ZC3H12B: variants seen among roughly 807,000 people sequenced by gnomAD.
ZC3H12B encodes the protein zinc finger CCCH-type containing 12B, also known as probable ribonuclease ZC3H12B.
In ZC3H12B, 7 loss-of-function variants were observed where a neutral mutation model predicts 43.9. The observed-to-expected ratio is 0.16, with a 90% confidence interval of 0.09 to 0.30. ZC3H12B has a LOEUF of 0.30. Among genes scored for constraint, ZC3H12B ranks in the 10% least tolerant of loss-of-function variants. The pLI is 1.00. For missense variants in ZC3H12B, 475 were observed against 670.2 expected, an observed-to-expected ratio of 0.71 and a Z score of 3.22; for synonymous variants, 222 against 241.7, an observed-to-expected ratio of 0.92 and a Z score of 0.76.
At chrX:65,097,137 A>G in the ZC3H12B span, among the ~76,000 whole-genome samples, 4 of 112,079 alleles carry the variant, frequency 3.6e-5, no homozygotes, top group Non-Finnish European at 5.6e-5. Context: ...CCAAGTTGAC[A>G]TGAATTCATT....
intron 3 of ZC3H12B, among the ~76,000 whole-genome samples, chrX:65,477,849 G>A (rs1468313280): frequency 9.1e-6 from 1 of 109,438 alleles, no homozygotes; most frequent in Non-Finnish European, 1.9e-5. Flanking sequence ...GTGTGTGTGT[G>A]TGTGTGTGTA....
intron 3 of ZC3H12B, 132 bp from the exon 9 acceptor site, chrX:65,499,751 T>C: frequency 2.0e-6 from 1 of 505,043 alleles, no homozygotes; most frequent in Non-Finnish European, 3.5e-6. Flanking sequence ...TAGCAGAGGA[T>C]AGACTTGAGG....
At chrX:65,105,078 A>G in the ZC3H12B span, among the ~76,000 whole-genome samples, 1 of 111,734 alleles carries the variant, frequency 8.9e-6, no homozygotes, top group Non-Finnish European at 1.9e-5. Context: ...GCAGCCATAA[A>G]AAGAATGAGT....
At chrX:65,450,800 C>T (rs376269441) in intron 3 of ZC3H12B, among the ~76,000 whole-genome samples, 3 of 56,143 alleles carry the variant, frequency 5.3e-5, no homozygotes, top group African/African-American at 9.8e-5. Context: ...TATATATATA[C>T]ATATGTGTAT....
chrX:65,194,884 C>A, the ZC3H12B span, among the ~76,000 whole-genome samples: 14 of 111,913 alleles, frequency 1.3e-4, no homozygotes, highest in Admixed American at 2.8e-4. Context: ...ATTGTGATAT[C>A]TTCTTCCTCA....
chrX:65,105,457 C>A, the ZC3H12B span, among the ~76,000 whole-genome samples: 9 of 111,053 alleles, frequency 8.1e-5, no homozygotes, highest in Non-Finnish European at 1.5e-4. Context: ...ACATAGGGAG[C>A]AGCTACTACT....
the ZC3H12B span, among the ~76,000 whole-genome samples, chrX:65,355,275 C>A: frequency 2.7e-5 from 3 of 111,283 alleles, no homozygotes; most frequent in Non-Finnish European, 3.8e-5. Context: ...CTGCAGAAAC[C>A]CTACAAGCCA....
chrX:65,167,835 CTATT>C, the ZC3H12B span, among the ~76,000 whole-genome samples: 4 of 111,461 alleles, frequency 3.6e-5, no homozygotes, highest in Admixed American at 9.6e-5. Flanking sequence ...ATTTGGCTCT[CTATT>C]TGTTATTGGT....
intron 2 of ZC3H12B, among the ~76,000 whole-genome samples, chrX:65,373,909 T>TATATATATATAGTTTA (rs1412172865): frequency 7.2e-3 from 7 of 979 alleles, no homozygotes; most frequent in African/African-American, 0.014. Context: ...ATATATATAG[T>TATATATATATAGTTTA]TATATATATA....
At chrX:65,449,785 A>C (rs2067443856) in intron 3 of ZC3H12B, among the ~76,000 whole-genome samples, 1 of 111,440 alleles carries the variant, frequency 9.0e-6, no homozygotes, top group African/African-American at 3.3e-5. Context: ...TCTCACTTAT[A>C]AGTGGGAGCT....
the ZC3H12B span, among the ~76,000 whole-genome samples, chrX:65,359,531 G>A: frequency 8.9e-6 from 1 of 111,908 alleles, no homozygotes; most frequent in Non-Finnish European, 1.9e-5. Context: ...TGACTTTGAG[G>A]GGATCAAGAC....
the ZC3H12B span, among the ~76,000 whole-genome samples, chrX:65,105,423 A>T: frequency 9.0e-6 from 1 of 111,467 alleles, no homozygotes; most frequent in Admixed American, 9.6e-5. Flanking sequence ...AGTAAAATTT[A>T]AAAAAAGAAT....
chrX:65,212,576 T>C, the ZC3H12B span, among the ~76,000 whole-genome samples: 7 of 79,129 alleles, frequency 8.8e-5, no homozygotes, highest in Admixed American at 9.4e-4. Flanking sequence ...TATATAATTA[T>C]ACAGTATATA....
the ZC3H12B span, among the ~76,000 whole-genome samples, chrX:65,244,282 A>C: frequency 9.0e-6 from 1 of 111,615 alleles, no homozygotes; most frequent in East Asian, 2.8e-4. Flanking sequence ...AAAAAAAATT[A>C]AAAATACAAA....
At chrX:65,353,370 C>T in the ZC3H12B span, among the ~76,000 whole-genome samples, 1 of 110,931 alleles carries the variant, frequency 9.0e-6, no homozygotes, top group Non-Finnish European at 1.9e-5. Flanking sequence ...TTGATATTAG[C>T]TCAATTAATA....
the ZC3H12B span, among the ~76,000 whole-genome samples, chrX:65,162,853 G>T: frequency 8.9e-6 from 1 of 112,108 alleles, no homozygotes. Context: ...CTTCTTTTTA[G>T]AGTTTCCAGT....
chrX:65,464,070 G>A (rs909434552), intron 3 of ZC3H12B, among the ~76,000 whole-genome samples: 1 of 112,242 alleles, frequency 8.9e-6, no homozygotes, highest in African/African-American at 3.2e-5. Context: ...AAGTCAGAAT[G>A]TTAGATAAAT....
chrX:65,336,029 G>T, the ZC3H12B span, among the ~76,000 whole-genome samples: 1 of 111,562 alleles, frequency 9.0e-6, no homozygotes, highest in Admixed American at 9.4e-5. Flanking sequence ...GGCTTACAGG[G>T]GTCCTAGGCC....
the ZC3H12B span, among the ~76,000 whole-genome samples, chrX:65,121,196 C>G: frequency 3.6e-5 from 4 of 111,289 alleles, no homozygotes; most frequent in African/African-American, 1.3e-4. Context: ...CCTCTTTTTC[C>G]ATTGATTGGA....
Sources: allele counts gnomAD v4.1 joint callset (sites outside exome capture counted in the v4.1 genomes callset), GRCh38; gene constraint gnomAD v4.1.1; transcripts MANE v1.5; gene names NCBI Gene and HGNC (gene_info 2026-07-23, HGNC 2026-07-21).